The following ATP11C variants were observed in gnomAD, a reference collection of about 807,000 sequenced individuals.
The protein encoded by ATP11C is ATPase phospholipid transporting 11C (ATP11C blood group), also known as phospholipid-transporting ATPase IG.
Under a neutral mutation model 97.4 loss-of-function variants are expected in ATP11C, and 36 were observed. The observed-to-expected ratio is 0.37, with a 90% CI of 0.28 to 0.49. The LOEUF (loss-of-function observed/expected upper bound fraction) is 0.49, where lower values mean the gene tolerates loss of function less well. Among genes scored for constraint, ATP11C ranks in the 20% least tolerant of loss-of-function variants. The pLI is 0.98. For synonymous variants in ATP11C, 275 were observed against 290.9 expected (o/e 0.95, Z 0.56); for missense variants, 730 against 824.6 (o/e 0.89, Z 1.40).
At chrX:139,928,377 C>T (rs760166221) in intron 1 of ATP11C, among the ~76,000 whole-genome samples, 2 of 109,969 alleles carry the variant, frequency 1.8e-5, no homozygotes, top group African/African-American at 3.3e-5. Context: ...AATATTTTCC[C>T]GCTCGTCAAT....
At chrX:139,774,067 A>T (rs747810171) in intron 19 of ATP11C, among the ~76,000 whole-genome samples, 1 of 112,654 alleles carries the variant, frequency 8.9e-6, no homozygotes, top group East Asian at 2.8e-4. Flanking sequence ...GGTAAATTCA[A>T]GTAATTGGTT....
intron 20 of ATP11C, among the ~76,000 whole-genome samples, chrX:139,764,759 C>T (rs1041523632): frequency 8.9e-6 from 1 of 112,077 alleles, no homozygotes; most frequent in Non-Finnish European, 1.9e-5. Context: ...AAAAACCCCA[C>T]ATCCAATTCC....
intron 18 of ATP11C, among the ~76,000 whole-genome samples, chrX:139,778,707 G>A (rs1048369604): frequency 2.7e-5 from 3 of 111,105 alleles, no homozygotes; most frequent in African/African-American, 9.8e-5. Flanking sequence ...CAGGCAACCC[G>A]TAGTCCCAGC....
intron 1 of ATP11C, among the ~76,000 whole-genome samples, chrX:139,842,577 A>C (rs1198721380): frequency 8.9e-6 from 1 of 112,598 alleles, no homozygotes; most frequent in Non-Finnish European, 1.9e-5. Flanking sequence ...GTAGGACATA[A>C]GTGAAGGAAG....
At chrX:139,874,187 C>T (rs190838529) in intron 1 of ATP11C, among the ~76,000 whole-genome samples, 147 of 105,730 alleles carry the variant, frequency 1.4e-3, no homozygotes, top group Non-Finnish European at 1.5e-3. Context: ...GGATTACAGA[C>T]GTGTGCCACC....
chrX:139,916,728 T>C (rs2085161655), intron 1 of ATP11C, among the ~76,000 whole-genome samples: 1 of 109,581 alleles, frequency 9.1e-6, no homozygotes, highest in African/African-American at 3.3e-5. Context: ...ATGAGGAAGG[T>C]TTTTTGCAGA....
intron 1 of ATP11C, among the ~76,000 whole-genome samples, chrX:139,906,426 C>T (rs199824124): frequency 3.5e-4 from 1 of 2,830 alleles, no homozygotes; most frequent in Non-Finnish European, 6.2e-4. Context: ...CCAAAAAAAA[C>T]GAAAAAAAAA....
At chrX:139,741,934 T>C (rs1408750272) in intron 26 of ATP11C, among the ~76,000 whole-genome samples, 1 of 111,913 alleles carries the variant, frequency 8.9e-6, no homozygotes, top group Admixed American at 9.5e-5. Flanking sequence ...AGCTCTCTGT[T>C]ATAGTTTCTC....
Position 139,869,904 on chromosome X carries a change from A to G in ATP11C, c.28-43081T>C, listed in dbSNP as rs1254854854. On this transcript the variant is annotated intron_variant, in intron 1 of 29. Transcript: ENST00000682941. The stretch of plus-strand genomic sequence containing the variant: ...AGACTGGCAAAAAAAAAAAAAAAAA[A>G]GGAAATGTGATATATTCATACAATG... 2.8e-4 allele frequency among the ~76,000 whole-genome samples: 30 copies of G among 105,959 alleles called. No individual in the cohort carries two copies. In the East Asian group the frequency reaches 7.4e-3, roughly 26 times the overall value. The allele number at this position is 105,959 out of a possible 115,157, so 92.0% of individuals were successfully genotyped here.
intron 1 of ATP11C, among the ~76,000 whole-genome samples, chrX:139,872,698 G>A (rs890015927): frequency 9.0e-6 from 1 of 111,090 alleles, no homozygotes; most frequent in Admixed American, 9.6e-5. Flanking sequence ...GTAACCTGTA[G>A]GCAATTCAAC....
chrX:139,896,941 A>C (rs1381430796), intron 1 of ATP11C, among the ~76,000 whole-genome samples: 1 of 111,371 alleles, frequency 9.0e-6, no homozygotes, highest in Non-Finnish European at 1.9e-5. Context: ...TAATAAGGGA[A>C]ACTGAACCAG....
chrX:139,858,864 A>C (rs1419445822), intron 1 of ATP11C, among the ~76,000 whole-genome samples: 2 of 112,086 alleles, frequency 1.8e-5, no homozygotes, highest in Non-Finnish European at 3.8e-5. Flanking sequence ...TCATTTAATA[A>C]TACCATGGTT....
intron 2 of ATP11C, among the ~76,000 whole-genome samples, chrX:139,819,869 T>C (rs776448689): frequency 3.6e-5 from 4 of 112,233 alleles, no homozygotes; most frequent in Non-Finnish European, 5.6e-5. Flanking sequence ...CTCAACACAG[T>C]GCCTGGTACA....
intron 1 of ATP11C, among the ~76,000 whole-genome samples, chrX:139,858,650 T>G (rs974190716): frequency 1.8e-5 from 2 of 112,371 alleles, no homozygotes; most frequent in Non-Finnish European, 3.8e-5. Flanking sequence ...ATTTATTCAT[T>G]TAGTCCTCAC....
rs2038467711 is a variant in ATP11C, at chrX:139,871,129, A to C, written c.28-44306T>G. Among the ~76,000 whole-genome samples the C allele has an allele frequency of 2.7e-5, 3 of 110,334 alleles. 1 individual carries two copies. The South Asian group carries it at 1.1e-3, about 42-fold the overall frequency. On this transcript the variant is annotated intron_variant, in intron 1 of 29. Transcript: ENST00000682941. ...TGTGTGTGTGTGTACTTAGACTGACATAAAAACCATATGAAAGTCTAGATA... is the reference window on the plus strand; with the variant it reads ...TGTGTGTGTGTGTACTTAGACTGACCTAAAAACCATATGAAAGTCTAGATA...
At chrX:139,853,274 A>G (rs1287940287) in intron 1 of ATP11C, among the ~76,000 whole-genome samples, 1 of 109,728 alleles carries the variant, frequency 9.1e-6, no homozygotes, top group African/African-American at 3.3e-5. Flanking sequence ...AGACCAGCAG[A>G]GAGAGAGAGA....
intron 5 of ATP11C, among the ~76,000 whole-genome samples, chrX:139,814,179 GACAGGGTCTT>G: frequency 9.0e-6 from 1 of 110,807 alleles, no homozygotes; most frequent in Middle Eastern, 4.7e-3. Context: ...AATGTTATTT[GACAGGGTCTT>G]ACTGGGTAAA....
intron 1 of ATP11C, among the ~76,000 whole-genome samples, chrX:139,891,700 T>C (rs759510417): frequency 1.8e-4 from 20 of 112,160 alleles, no homozygotes; most frequent in Non-Finnish European, 3.2e-4. Flanking sequence ...AATGCATTGA[T>C]GGTTTTGGCA....
At chrX:139,882,223 C>A (rs1393885296) in intron 1 of ATP11C, among the ~76,000 whole-genome samples, 1 of 111,475 alleles carries the variant, frequency 9.0e-6, no homozygotes, top group Non-Finnish European at 1.9e-5. Context: ...ATGATCATGG[C>A]AGGACGTGGG....
Sources: allele counts gnomAD v4.1 joint callset (sites outside exome capture counted in the v4.1 genomes callset), GRCh38; gene constraint gnomAD v4.1.1; transcripts MANE v1.5; gene names NCBI Gene and HGNC (gene_info 2026-07-23, HGNC 2026-07-21).